STK11: variants seen among roughly 807,000 people sequenced by gnomAD.
STK11 encodes serine/threonine-protein kinase STK11.
A neutral mutation model predicts 47.3 loss-of-function variants in STK11; 8 were observed. That is an observed-to-expected ratio of 0.17 (90% CI 0.10 to 0.31). STK11 has a LOEUF of 0.31. STK11 is among the 10% of genes least tolerant of loss of function. STK11 has a pLI of 1.00. For missense variants in STK11, 475 were observed against 605.0 expected, an observed-to-expected ratio of 0.79 and a Z score of 2.25; for synonymous variants, 330 against 255.8, an observed-to-expected ratio of 1.29 and a Z score of -2.77.
chr19:1,223,861 G>C (rs2080803258), intron 8 of STK11: 5 of 1,021,896 alleles, frequency 4.9e-6, no homozygotes, highest in Non-Finnish European at 5.9e-6. Context: ...GTGTCATAAA[G>C]AGTTTTGCAG....
Position 1,227,896 on chromosome 19 carries a change from G to A in STK11, c.*320G>A. 8.4e-6 allele frequency: 9 copies of A among 1,069,830 alleles called. No individual in the cohort carries two copies. The highest frequency in any genetic ancestry group is 1.0e-5 in the Non-Finnish European group (9 of 882,054). 66.3% of individuals were successfully genotyped at this position (1,069,830 alleles called of 1,614,324 possible). A position where few individuals can be genotyped will look rare whatever the true frequency, so the allele number is the denominator to read the frequency against. ...TGTGGAGACTACTGGCCCCGCCCGT[G>A]GCCTCGTGCTCCGCAGGGCGCCCAG... On this transcript the variant is annotated 3_prime_UTR_variant, in exon 10 of 10. Transcript: ENST00000326873.
rs11084889 is a variant in STK11 at position 1,219,554 on chromosome 19, G to T, written c.464+141G>T. On this transcript the variant is annotated intron_variant, in intron 3 of 9. Transcript: ENST00000326873. ...TTTTTTTGTTTTTTTGTTTTTTTGT[G>T]TTTTTTTTCGAGATGGAGTCTCACT... 459,222 of 915,496 alleles carry T rather than the reference G, an allele frequency of 0.5. 119,835 individuals carry two copies. The highest frequency in any genetic ancestry group is 0.98 in the East Asian group (36,375 of 37,010). The allele number at this position is 915,496 out of a possible 1,614,324, so 56.7% of individuals were successfully genotyped here.
rs541297437 is a variant in STK11 at position 1,206,766 on chromosome 19, G to T, written c.-148G>T. The T allele has an allele frequency of 2.8e-6, 3 of 1,064,896 alleles. No individual in the cohort carries two copies. In the East Asian group the frequency reaches 7.8e-5, roughly 28 times the overall value. The allele number at this position is 1,064,896 out of a possible 1,614,324, so 66.0% of individuals were successfully genotyped here. A position where few individuals can be genotyped will look rare whatever the true frequency, so the allele number is the denominator to read the frequency against. ...AACAATCGTTTCTGTTGGAAGAAGG[G>T]TTTTTCCCTTCCTTTTGGGGTTTTT... On this transcript the variant is annotated 5_prime_UTR_variant, in exon 1 of 10. Coordinates refer to ENST00000326873, the MANE Select transcript of STK11 (RefSeq NM_000455.5).
rs547435589 is a variant in STK11, at chr19:1,226,835, G to A, written c.*16+172G>A. 3.3e-5 allele frequency: 26 copies of A among 791,992 alleles called. No homozygotes were observed. The East Asian group carries it at 6.8e-4, about 21-fold the overall frequency. 49.1% of individuals were successfully genotyped at this position (791,992 alleles called of 1,614,324 possible). A position where few individuals can be genotyped will look rare whatever the true frequency, so the allele number is the denominator to read the frequency against. Reference sequence around the variant, plus strand: ...CGTAGCGATCCCCGTGGAGGGTGCCGTCTCGGGGCCTGGTGTCTGGCCAGC... The same window carrying A: ...CGTAGCGATCCCCGTGGAGGGTGCCATCTCGGGGCCTGGTGTCTGGCCAGC... On this transcript the variant is annotated intron_variant, in intron 9 of 9. Coordinates refer to ENST00000326873, the MANE Select transcript of STK11 (RefSeq NM_000455.5).
At chr19:1,214,283 C>T (rs762132091) in intron 1 of STK11, among the ~76,000 whole-genome samples, 3 of 152,218 alleles carry the variant, frequency 2.0e-5, no homozygotes, top group Non-Finnish European at 2.9e-5. Flanking sequence ...CACCCCCACT[C>T]CTCCCCTGGC....
chr19:1,226,200 C>T (rs1268745877), intron 8 of STK11: 4 of 1,347,340 alleles, frequency 3.0e-6, no homozygotes, highest in African/African-American at 3.0e-5. Context: ...CACCTGCGGC[C>T]ATGGCAGGTG....
At chr19:1,223,897 G>C (rs975883169) in intron 8 of STK11, 52 of 1,016,000 alleles carry the variant, frequency 5.1e-5, no homozygotes, top group Non-Finnish European at 5.9e-5. Flanking sequence ...GATGCTTGCT[G>C]CGCTCGGGCT....
chr19:1,213,649 A>T (rs932164529), intron 1 of STK11, among the ~76,000 whole-genome samples: 7 of 152,230 alleles, frequency 4.6e-5, no homozygotes, highest in African/African-American at 1.7e-4. Context: ...GTGGAGGGCC[A>T]CGCTGCGTTT....
chr19:1,219,764 C>T (rs1307117636), intron 3 of STK11, among the ~76,000 whole-genome samples: 1 of 152,196 alleles, frequency 6.6e-6, no homozygotes, highest in Admixed American at 6.5e-5. Context: ...CCAGGATGGT[C>T]TCAAACTCCT....
intron 9 of STK11, chr19:1,227,088 G>T: frequency 5.3e-6 from 1 of 187,240 alleles, no homozygotes; most frequent in South Asian, 1.0e-4. Flanking sequence ...TGGCTCTGCC[G>T]GGGTGCCGCA....
chr19:1,226,326 C>T, intron 8 of STK11, 128 bp from the exon 9 acceptor site: 1 of 1,490,718 alleles, frequency 6.7e-7, no homozygotes, highest in Non-Finnish European at 9.0e-7. Flanking sequence ...ACACCTGGGC[C>T]TGACCCGGGG....
chr19:1,219,687 A>T (rs1367473808), intron 3 of STK11, among the ~76,000 whole-genome samples: 1 of 151,928 alleles, frequency 6.6e-6, no homozygotes, highest in African/African-American at 2.4e-5. Context: ...CTGGGATTAC[A>T]GGCGCCCGCC....
chr19:1,225,434 T>A (rs1386689065), intron 8 of STK11: 42 of 797,144 alleles, frequency 5.3e-5, no homozygotes, highest in Admixed American at 6.2e-5. Flanking sequence ...CATGCCCGGC[T>A]AATTTTTGTA....
rs2145435999 is a variant in STK11, at chr19:1,226,504, C to T, written c.1159C>T (p.Pro387Ser). The change falls in exon 9 of 10, where the codon CCC becomes TCC. Residue 387 changes from proline (P) to serine (S), a missense_variant. By Grantham distance (74) the Pro-to-Ser change is moderately conservative (BLOSUM62 -1). Transcript: ENST00000326873. ...ASHNGQRRGL[P>S]KAVCMNGTEA... is the part of the protein sequence containing the mutation. The stretch of plus-strand genomic sequence containing the variant: ...TCACAATGGACAGCGCCGGGGCCTC[C>T]CCAAGGCCGTGTGTATGAACGGCAC... The T allele has an allele frequency of 6.2e-7, 1 of 1,610,908 alleles. No homozygotes were observed. Among genetic ancestry groups the T allele is most frequent in the Non-Finnish European group, 8.5e-7 (1 of 1,179,204 alleles).
At position 1,226,644 on chromosome 19, in the gene STK11, G is replaced by C. The variant is rs786201331; in HGVS notation, c.1299G>C (p.Gln433His). Reference sequence around the variant, plus strand: ...GCCGGCTGTCGGCCTGCAAGCAGCAGTGAGGCTGGCCGCCTGCAGGTGGGG... The same window carrying C: ...GCCGGCTGTCGGCCTGCAAGCAGCACTGAGGCTGGCCGCCTGCAGGTGGGG... Reference protein sequence around the residue: ...KIRRLSACKQQ With the variant: ...KIRRLSACKQH Residue 433 changes from glutamine to histidine, a missense_variant, in exon 9 of 10, where the codon CAG (glutamine) becomes CAC (histidine). By Grantham distance (24) the Gln-to-His change is conservative. This residue lies in a region of STK11 where 219 missense variants were observed against 189.2 expected (regional missense o/e 1.16). Transcript: ENST00000326873. The C allele has an allele frequency of 6.5e-7, 1 of 1,528,476 alleles. No homozygotes were observed. The highest frequency in any genetic ancestry group is 2.5e-5 in the East Asian group (1 of 40,484). 94.7% of individuals were successfully genotyped at this position (1,528,476 alleles called of 1,614,324 possible).
chr19:1,224,725 C>CA, intron 8 of STK11: 1 of 985,626 alleles, frequency 1.0e-6, no homozygotes, highest in Non-Finnish European at 1.2e-6. Flanking sequence ...GCTGGGCCAC[C>CA]TTTTTCATGA....
At chr19:1,215,703 G>C (rs1484403604) in intron 1 of STK11, among the ~76,000 whole-genome samples, 1 of 152,162 alleles carries the variant, frequency 6.6e-6, no homozygotes, top group Non-Finnish European at 1.5e-5. Flanking sequence ...CTGAGCTGGG[G>C]GTGGGGAAGG....
At chr19:1,211,895 T>C (rs1233334487) in intron 1 of STK11, among the ~76,000 whole-genome samples, 3 of 152,316 alleles carry the variant, frequency 2.0e-5, no homozygotes, top group South Asian at 4.1e-4. Context: ...TTTGTAGGTC[T>C]TTACATCCCA....
At chr19:1,222,233 A>G (rs2080789877) in intron 7 of STK11, among the ~76,000 whole-genome samples, 1 of 152,204 alleles carries the variant, frequency 6.6e-6, no homozygotes, top group African/African-American at 2.4e-5. Context: ...GAGTGAGGAC[A>G]TGCGTCCGTC....
Sources: gnomAD v4.1 joint callset for allele counts (sites outside exome capture counted in the v4.1 genomes callset) on GRCh38, gnomAD v4.1.1 for gene constraint, gnomAD v4.1.1 regional missense constraint, MANE v1.5 for transcripts, NCBI Gene and HGNC (gene_info 2026-07-23, HGNC 2026-07-21) for gene names.